MAPRE2: variants seen among roughly 807,000 people sequenced by gnomAD.
MAPRE2 encodes the protein microtubule-associated protein RP/EB family member 2.
MAPRE2 carries 13 observed loss-of-function variants against 43.2 expected under a neutral mutation model. That is an observed-to-expected ratio of 0.30 (90% confidence interval 0.20 to 0.48). The LOEUF is 0.48. Among genes scored for constraint, MAPRE2 ranks in the 20% least tolerant of loss-of-function variants. The probability of loss-of-function intolerance (pLI) is 0.99; values close to 1 mark genes in which losing one functional copy is unlikely to be tolerated. For synonymous variants in MAPRE2, 135 were observed against 148.8 expected (o/e 0.91, Z 0.68); for missense variants, 161 against 400.2 (o/e 0.40, Z 5.10).
At chr18:34,978,285 G>T (rs2097014269) in intron 1 of MAPRE2, 1 of 593,092 alleles carries the variant, frequency 1.7e-6, no homozygotes, top group South Asian at 2.1e-5. Flanking sequence ...AAATACTATC[G>T]TGCTGTCAAT....
chr18:35,065,827 T>G (rs1906811812), intron 1 of MAPRE2, among the ~76,000 whole-genome samples: 1 of 152,230 alleles, frequency 6.6e-6, no homozygotes. Context: ...GTGCTGGGAT[T>G]ACAGGCATGA....
rs536903227 is a variant in MAPRE2, at chr18:35,083,902, A to G, written c.251-13544A>G. ...GTTATATAGGTTTTTACTCCATTGA[A>G]ATTTCCTTTTGAAAGATAGTAGAAA... On this transcript the variant is annotated intron_variant, in intron 2 of 6. Transcript: ENST00000300249. 5.9e-5 allele frequency among the ~76,000 whole-genome samples: 9 copies of G among 152,264 alleles called. 1 individual carries two copies. Among genetic ancestry groups the G allele is most frequent in the Non-Finnish European group, 1.3e-4 (9 of 68,014 alleles).
At chr18:35,012,080 A>T (rs2097035079) in intron 2 of MAPRE2, among the ~76,000 whole-genome samples, 1 of 152,146 alleles carries the variant, frequency 6.6e-6, no homozygotes. Flanking sequence ...TTGGCAGAAG[A>T]TAGTGCCCAG....
At chr18:34,985,515 AT>A (rs2097020058) in intron 1 of MAPRE2, among the ~76,000 whole-genome samples, 1 of 61,710 alleles carries the variant, frequency 1.6e-5, no homozygotes, top group South Asian at 4.5e-4. Flanking sequence ...TATAATATAT[AT>A]ATTATATATT....
At chr18:35,013,862 C>T (rs2097036413) in intron 2 of MAPRE2, among the ~76,000 whole-genome samples, 1 of 152,110 alleles carries the variant, frequency 6.6e-6, no homozygotes, top group Non-Finnish European at 1.5e-5. Context: ...AGATTTTGTT[C>T]TTTTTCATGG....
chr18:35,005,499 T>G, exon 2 of MAPRE2: 6 of 1,538,604 alleles, frequency 3.9e-6, no homozygotes, highest in Non-Finnish European at 5.3e-6. Context: ...CAGTGTCCTG[T>G]TTCCCAGAGG....
intron 3 of MAPRE2, among the ~76,000 whole-genome samples, chr18:35,100,509 C>T (rs1379196241): frequency 1.3e-5 from 2 of 152,136 alleles, no homozygotes; most frequent in Non-Finnish European, 2.9e-5. Flanking sequence ...AAGACATATG[C>T]ATGTGAATGT....
At position 34,985,551 on chromosome 18, in the gene MAPRE2, ATT is replaced by A. The variant is rs1231250394; in HGVS notation, c.-70+8473_-70+8474del. Among the ~76,000 whole-genome samples the A allele has an allele frequency of 4.8e-5, 3 of 62,012 alleles. 1 individual carries two copies. The highest frequency in any genetic ancestry group is 8.6e-5 in the Non-Finnish European group (3 of 35,064). The allele number at this position is 62,012 out of a possible 152,430, so 40.7% of individuals were successfully genotyped here. On this transcript the variant is annotated intron_variant, in intron 1 of 7. Coordinates refer to the MAPRE2 transcript ENST00000413393. ...TATAAATATAATATATAATATATATATTATATATTATAAATATAATATATAAA... is the reference window on the plus strand; with the variant it reads ...TATAAATATAATATATAATATATATAATATATTATAAATATAATATATAAA...
intron 1 of MAPRE2, among the ~76,000 whole-genome samples, chr18:35,045,752 A>G (rs74635960): frequency 0.011 from 1,709 of 152,326 alleles, 15 homozygotes; most frequent in Middle Eastern, 0.034. Context: ...GCAAAAGTCT[A>G]CGTTCATGTC....
chr18:35,059,042 G>A (rs900639447), intron 1 of MAPRE2, among the ~76,000 whole-genome samples: 2 of 152,102 alleles, frequency 1.3e-5, no homozygotes, highest in South Asian at 2.1e-4. Flanking sequence ...TTGTTGCAAA[G>A]ATTAAATTAA....
chr18:34,991,146 A>T (rs1350600940), intron 1 of MAPRE2, among the ~76,000 whole-genome samples: 1 of 152,110 alleles, frequency 6.6e-6, no homozygotes, highest in East Asian at 1.9e-4. Context: ...TCCAACAGGT[A>T]GTTTTTCAAC....
At chr18:35,119,350 GCT>G (rs1440760255) in intron 4 of MAPRE2, among the ~76,000 whole-genome samples, 1 of 152,162 alleles carries the variant, frequency 6.6e-6, no homozygotes, top group Non-Finnish European at 1.5e-5. Context: ...CCGCAGCCCA[GCT>G]CTGTCTACCC....
At chr18:35,045,523 A>G (rs1905575146) in intron 1 of MAPRE2, among the ~76,000 whole-genome samples, 1 of 152,258 alleles carries the variant, frequency 6.6e-6, no homozygotes, top group East Asian at 1.9e-4. Flanking sequence ...AGCATTGGCC[A>G]TAACATCCAG....
intron 2 of MAPRE2, among the ~76,000 whole-genome samples, chr18:35,076,082 C>G (rs1251324731): frequency 2.0e-5 from 3 of 152,146 alleles, no homozygotes; most frequent in Admixed American, 1.3e-4. Flanking sequence ...CCAAACTGCT[C>G]TATAATTTTT....
chr18:35,064,421 T>C (rs1906731960), intron 1 of MAPRE2, among the ~76,000 whole-genome samples: 1 of 152,016 alleles, frequency 6.6e-6, no homozygotes, highest in Non-Finnish European at 1.5e-5. Context: ...CCCTGAAGTA[T>C]GGCTGATAGT....
intron 2 of MAPRE2, among the ~76,000 whole-genome samples, chr18:35,029,491 G>A (rs1439645919): frequency 6.6e-6 from 1 of 152,166 alleles, no homozygotes; most frequent in African/African-American, 2.4e-5. Flanking sequence ...GGTACCTGAT[G>A]GAATGACCAT....
chr18:34,992,475 C>T (rs1284696376), intron 1 of MAPRE2, among the ~76,000 whole-genome samples: 1 of 152,182 alleles, frequency 6.6e-6, no homozygotes, highest in Non-Finnish European at 1.5e-5. Flanking sequence ...TAAGCCAACT[C>T]AATTCACTTT....
chr18:35,110,421 T>C (rs952499560), intron 4 of MAPRE2, among the ~76,000 whole-genome samples: 5 of 152,166 alleles, frequency 3.3e-5, no homozygotes, highest in Non-Finnish European at 7.4e-5. Flanking sequence ...TTGATGTGGC[T>C]ACTAGAAAAC....
At chr18:35,017,743 T>C (rs34044005) in intron 2 of MAPRE2, among the ~76,000 whole-genome samples, 1,828 of 152,010 alleles carry the variant, frequency 0.012, 8 homozygotes, top group Middle Eastern at 0.02. Flanking sequence ...TTTAGGGTTT[T>C]CTAGGTGTAG....
Sources: allele counts gnomAD v4.1 joint callset (sites outside exome capture counted in the v4.1 genomes callset), GRCh38; gene constraint gnomAD v4.1.1; transcripts MANE v1.5; gene names NCBI Gene and HGNC (gene_info 2026-07-23, HGNC 2026-07-21).